The following SLC9A3 variants were observed in gnomAD, a reference collection of about 807,000 sequenced individuals.
SLC9A3 encodes sodium/hydrogen exchanger 3.
SLC9A3 carries 37 observed loss-of-function variants against 86.8 expected under a neutral mutation model. The ratio of observed to expected loss-of-function variants is 0.43; its 90% confidence interval spans 0.33 to 0.56. The LOEUF is 0.56. Ranked by LOEUF, SLC9A3 falls within the 20% of genes least tolerant of loss-of-function variation. The pLI is 0.06. For missense variants in SLC9A3, 1,011 were observed against 1,171.9 expected, an observed-to-expected ratio of 0.86 and a Z score of 2.00; for synonymous variants, 581 against 528.3, an observed-to-expected ratio of 1.10 and a Z score of -1.37.
rs1471710081 is a variant in SLC9A3, at chr5:471,935, T to A, written c.*1444A>T. ...AGTCAACATAAAACTCTTTAAGAAC[T>A]CCTCCTGACTGGTGACTGTCAACAC... is the stretch of plus-strand genomic sequence containing the variant. On this transcript the variant is annotated 3_prime_UTR_variant, in exon 17 of 17. Coordinates refer to ENST00000264938, the MANE Select transcript of SLC9A3 (RefSeq NM_004174.4). 2.2e-6 allele frequency: 1 copy of A among 456,588 alleles called. No homozygotes were observed. Among genetic ancestry groups the A allele is most frequent in the Admixed American group, 2.3e-5 (1 of 42,578 alleles). 28.3% of individuals were successfully genotyped at this position (456,588 alleles called of 1,614,324 possible).
At chr5:499,499 C>T (rs1217885800) in intron 1 of SLC9A3, among the ~76,000 whole-genome samples, 1 of 152,260 alleles carries the variant, frequency 6.6e-6, no homozygotes, top group East Asian at 1.9e-4. Flanking sequence ...CCAGGCAAGG[C>T]GCTTACTTAC....
chr5:489,600 C>T (rs1267939109), intron 2 of SLC9A3, among the ~76,000 whole-genome samples: 2 of 152,222 alleles, frequency 1.3e-5, no homozygotes, highest in Admixed American at 6.5e-5. Context: ...CACAACACCC[C>T]GAGGAAGTGA....
In SLC9A3 at chr5:491,838, C is replaced by G. The variant is rs139970401; in HGVS notation, c.445G>C (p.Val149Leu). ...NLGTILLYAV[V>L]GTVWNAATTG... ...GTGGCCGCGTTCCACACGGTACCCA[C>G]GACGGCGTACAACAGGATGGTCCCC... is the stretch of plus-strand genomic sequence containing the variant. The change falls in exon 2 of 17, where the codon GTG (valine) becomes CTG (leucine). Residue 149 changes from valine to leucine, a missense_variant. Around this residue, in one of 3 missense-constraint regions of SLC9A3, gnomAD observed 565 missense variants for 790.0 expected, o/e 0.72. Transcript: ENST00000264938. This position sits in a 1 kb window ranked among gnomAD's most constrained non-coding sequence, Gnocchi z 9.2. 3.1e-6 allele frequency: 5 copies of G among 1,600,170 alleles called. No individual in the cohort carries two copies. In the African/African-American group the frequency reaches 6.7e-5, roughly 21 times the overall value.
rs759890552 is a variant in SLC9A3, at chr5:482,060, G to A, written c.1446+8C>T. On this transcript the variant is annotated splice_region_variant and intron_variant, in intron 8 of 16. Transcript: ENST00000264938. The stretch of plus-strand genomic sequence containing the variant: ...TGCCCCCCCCCCGCCCCCCAGCCCC[G>A]CACTTACGCGCCCGTGCAGCTTCTC... 7 of 916,922 alleles carry A rather than the reference G, an allele frequency of 7.6e-6. No homozygotes were observed. Among genetic ancestry groups the A allele is most frequent in the Admixed American group, 6.6e-5 (3 of 45,502 alleles). The allele number at this position is 916,922 out of a possible 1,614,324, so 56.8% of individuals were successfully genotyped here. A position where few individuals can be genotyped will look rare whatever the true frequency, so the allele number is the denominator to read the frequency against.
At chr5:520,277 C>T (rs376898197) in intron 1 of SLC9A3, among the ~76,000 whole-genome samples, 92 of 152,350 alleles carry the variant, frequency 6.0e-4, no homozygotes, top group African/African-American at 2.1e-3. Flanking sequence ...CTAGAATCCA[C>T]TCCCGGCCCC....
intron 6 of SLC9A3, 64 bp from the exon 7 acceptor site, chr5:482,814 C>G (rs940040639): frequency 6.0e-6 from 8 of 1,336,704 alleles, no homozygotes; most frequent in African/African-American, 1.5e-5. Context: ...ACCCCAGCCC[C>G]TCCGGGACAG....
chr5:513,557 G>A (rs771776804), intron 1 of SLC9A3, among the ~76,000 whole-genome samples: 50 of 152,066 alleles, frequency 3.3e-4, no homozygotes, highest in African/African-American at 9.4e-4. Flanking sequence ...GGCAGAGAAC[G>A]CGTCAGCCCC....
intron 9 of SLC9A3, among the ~76,000 whole-genome samples, 186 bp downstream of exon 9, chr5:481,379 C>T (rs1324837062): frequency 6.6e-6 from 1 of 152,204 alleles, no homozygotes. Context: ...CTGCTGCCGC[C>T]AACTCCTTTC....
At chr5:481,532 T>C in intron 9 of SLC9A3, 33 bp downstream of exon 9, 1 of 1,565,518 alleles carries the variant, frequency 6.4e-7, no homozygotes, top group South Asian at 1.1e-5. Context: ...AGCCGGGCTG[T>C]GCGACACCGC....
At chr5:477,153 A>T in intron 11 of SLC9A3, 179 bp downstream of exon 11, 1 of 561,008 alleles carries the variant, frequency 1.8e-6, no homozygotes, top group Non-Finnish European at 3.2e-6. Flanking sequence ...GCACTAAGGG[A>T]GTCTGGCCAC....
Position 475,578 on chromosome 5 carries a change from G to C in SLC9A3, c.2234C>G (p.Ala745Gly), listed in dbSNP as rs1463828340. ...EFLASVTKDTASDSPAGIDNP... is the reference protein window; with the variant it reads ...EFLASVTKDTGSDSPAGIDNP... Reference sequence around the variant, plus strand: ...GTCCCCACCTGCAGGGGAGTCGGACGCTGTGTCCTTGGTGACACTAGCCAG... The same window carrying C: ...GTCCCCACCTGCAGGGGAGTCGGACCCTGTGTCCTTGGTGACACTAGCCAG... The change falls in exon 15 of 17, where the codon GCG (alanine) becomes GGG (glycine). Residue 745 changes from alanine to glycine, a missense_variant. By Grantham distance (60) the Ala-to-Gly change is moderately conservative (BLOSUM62 0). Transcript: ENST00000264938. The C allele has an allele frequency of 6.5e-7, 1 of 1,548,472 alleles. No individual in the cohort carries two copies. The highest frequency in any genetic ancestry group is 2.0e-5 in the Admixed American group (1 of 51,126).
rs749759927 is a variant in SLC9A3 at position 491,470 on chromosome 5, G to A, written c.514+299C>T. Among the ~76,000 whole-genome samples, 7 of 151,978 alleles carry A rather than the reference G, an allele frequency of 4.6e-5. No individual in the cohort carries two copies. The highest frequency in any genetic ancestry group is 7.4e-5 in the Non-Finnish European group (5 of 67,988). On this transcript the variant is annotated intron_variant, in intron 2 of 16. Transcript: ENST00000264938. This position sits in a 1 kb window ranked among gnomAD's most constrained non-coding sequence, Gnocchi z 9.2. Reference sequence around the variant, plus strand: ...GACCTGGTGGCCGGCGAGTGTGGACGGACCCCTACCTCTGCCCAGTGCCGG... The same window carrying A: ...GACCTGGTGGCCGGCGAGTGTGGACAGACCCCTACCTCTGCCCAGTGCCGG...
chr5:498,388 A>G (rs533474443), intron 1 of SLC9A3, among the ~76,000 whole-genome samples: 41 of 152,116 alleles, frequency 2.7e-4, no homozygotes, highest in African/African-American at 9.9e-4. Context: ...CCTGCCTTCC[A>G]GCATCAGTCC....
At chr5:492,320 G>A (rs1186293477) in intron 1 of SLC9A3, among the ~76,000 whole-genome samples, 1 of 91,672 alleles carries the variant, frequency 1.1e-5, no homozygotes, top group African/African-American at 4.6e-5. Flanking sequence ...TCAGGGTGGG[G>A]CCTTGGGAGA....
chr5:473,601 T>TC (rs1738524715), intron 16 of SLC9A3, among the ~76,000 whole-genome samples: 1 of 151,744 alleles, frequency 6.6e-6, no homozygotes, highest in Non-Finnish European at 1.5e-5. Context: ...CCCCGCCACG[T>TC]CCCCCCGCCG....
chr5:476,191 C>G lies in SLC9A3; in HGVS notation c.2067+11G>C. The G allele has an allele frequency of 6.2e-7, 1 of 1,613,516 alleles. No homozygotes were observed. Among genetic ancestry groups the G allele is most frequent in the Non-Finnish European group, 8.5e-7 (1 of 1,179,786 alleles). The stretch of plus-strand genomic sequence containing the variant: ...CCAGCCCCGCCAAGCCTCCTGGTGA[C>G]CCAGCCTTACCCGCTTCTGGGCACG... On this transcript the variant is annotated intron_variant, in intron 13 of 16. Coordinates refer to ENST00000264938, the MANE Select transcript of SLC9A3 (RefSeq NM_004174.4).
chr5:472,290 C>G lies in SLC9A3; in HGVS notation c.*1089G>C. The G allele has an allele frequency of 2.9e-6, 1 of 347,464 alleles. No individual in the cohort carries two copies. Among genetic ancestry groups the G allele is most frequent in the South Asian group, 2.2e-5 (1 of 45,544 alleles). 21.5% of individuals were successfully genotyped at this position (347,464 alleles called of 1,614,324 possible). ...AGGGTCAGGGGTCCGGGGTCTAGGA[C>G]AGGCTCAGGGGTCTCAGCAGGTTCT... On this transcript the variant is annotated 3_prime_UTR_variant, in exon 17 of 17. Coordinates refer to ENST00000264938, the MANE Select transcript of SLC9A3 (RefSeq NM_004174.4).
chr5:482,545 C>T lies in SLC9A3; in HGVS notation c.1356+3G>A, dbSNP rs1004820970. On this transcript the variant is annotated splice_donor_region_variant and intron_variant, in intron 7 of 16. Transcript: ENST00000264938. Reference sequence around the variant, plus strand: ...CCCCAGGGCTGGCTGGGCTGGGCCTCACCTGGAAGATGACGGTGAAGAACA... The same window carrying T: ...CCCCAGGGCTGGCTGGGCTGGGCCTTACCTGGAAGATGACGGTGAAGAACA... 8 of 1,607,964 alleles carry T rather than the reference C, an allele frequency of 5.0e-6. No homozygotes were observed. The African/African-American group carries it at 6.7e-5, about 13-fold the overall frequency.
rs1739378399 is a variant in SLC9A3 at position 484,608 on chromosome 5, C to T, written c.844G>A (p.Val282Met). ...ACGAAGCCGGGCTCGATGATACGCA[C>T]ATGCTTGGTGAAGCGCGTCACCAGC... ...LSLVTRFTKH[V>M]RIIEPGFVFI... The change falls in exon 5 of 17, where the codon GTG becomes ATG. Residue 282 changes from valine to methionine, a missense_variant. Transcript: ENST00000264938. 1.2e-6 allele frequency: 2 copies of T among 1,613,328 alleles called. No homozygotes were observed. Among genetic ancestry groups the T allele is most frequent in the Non-Finnish European group, 8.5e-7 (1 of 1,179,972 alleles).
Sources: allele counts gnomAD v4.1 joint callset (sites outside exome capture counted in the v4.1 genomes callset), GRCh38; gene constraint gnomAD v4.1.1; regional missense constraint gnomAD v4.1.1; non-coding constraint Gnocchi (gnomAD v3.1); transcripts MANE v1.5; gene names NCBI Gene and HGNC (gene_info 2026-07-23, HGNC 2026-07-21).